Variants in FMN2 observed in about 807,000 individuals in gnomAD.
The protein encoded by FMN2 is formin 2.
Under a neutral mutation model 142.3 loss-of-function variants are expected in FMN2, and 51 were observed. The observed-to-expected ratio is 0.36, with a 90% CI of 0.29 to 0.45. The LOEUF (loss-of-function observed/expected upper bound fraction) is 0.45, where lower values mean the gene tolerates loss of function less well. Among genes scored for constraint, FMN2 ranks in the 20% least tolerant of loss-of-function variants. The probability of loss-of-function intolerance (pLI) is 1.00; values close to 1 mark genes in which losing one functional copy is unlikely to be tolerated. For synonymous variants in FMN2, 882 were observed against 869.8 expected, an observed-to-expected ratio of 1.01 and a Z score of -0.25; for missense variants, 1,936 against 2,122.8, an observed-to-expected ratio of 0.91 and a Z score of 1.73.
intron 8 of FMN2, among the ~76,000 whole-genome samples, chr1:240,325,439 G>A (rs1313524089): frequency 1.3e-5 from 2 of 151,474 alleles, no homozygotes; most frequent in Non-Finnish European, 2.9e-5. Flanking sequence ...ATACTTATTA[G>A]AGTGTATACT....
At position 240,456,509 on chromosome 1, in the gene FMN2, C is replaced by T. The variant is rs745610145; in HGVS notation, c.5061-15863C>T. 2.6e-5 allele frequency among the ~76,000 whole-genome samples: 4 copies of T among 152,074 alleles called. No homozygotes were observed. The East Asian group carries it at 7.7e-4, about 29-fold the overall frequency. On this transcript the variant is annotated intron_variant, in intron 16 of 17. Coordinates refer to ENST00000319653, the MANE Select transcript of FMN2 (RefSeq NM_020066.5). ...TTCGCTCTTGTTGCCCAGGCTGGAG[C>T]GCAATGGCACGATCTCGGTTCACCA...
At chr1:240,168,393 C>T (rs1005778306) in intron 2 of FMN2, among the ~76,000 whole-genome samples, 1 of 152,054 alleles carries the variant, frequency 6.6e-6, no homozygotes, top group Admixed American at 6.5e-5. Context: ...TTGAGACCAG[C>T]CTGGGCAACA....
At chr1:240,333,666 C>T (rs559665024) in intron 11 of FMN2, among the ~76,000 whole-genome samples, 2 of 152,114 alleles carry the variant, frequency 1.3e-5, no homozygotes, top group East Asian at 3.9e-4. Flanking sequence ...AGACTTTGCC[C>T]CTAAATAGCT....
intron 4 of FMN2, among the ~76,000 whole-genome samples, chr1:240,195,790 G>A (rs1453621667): frequency 3.3e-5 from 5 of 152,082 alleles, no homozygotes; most frequent in African/African-American, 7.2e-5. Context: ...GGCTGAGGTG[G>A]GAGGATCACT....
chr1:240,201,370 A>C (rs1666114768), intron 4 of FMN2, among the ~76,000 whole-genome samples: 1 of 152,230 alleles, frequency 6.6e-6, no homozygotes, highest in South Asian at 2.1e-4. Context: ...TTGAAGTCAG[A>C]GAAGGTGATG....
intron 7 of FMN2, among the ~76,000 whole-genome samples, chr1:240,268,311 G>T (rs1370917439): frequency 6.6e-6 from 1 of 151,974 alleles, no homozygotes; most frequent in East Asian, 1.9e-4. Flanking sequence ...TTAATACTGG[G>T]CTGTACCCAT....
At chr1:240,344,428 T>A (rs533320783) in intron 13 of FMN2, among the ~76,000 whole-genome samples, 1 of 152,332 alleles carries the variant, frequency 6.6e-6, no homozygotes, top group South Asian at 2.1e-4. Flanking sequence ...ACATTTTCAT[T>A]TGTGATTTTT....
chr1:240,414,507 T>C (rs1674514212), intron 15 of FMN2, among the ~76,000 whole-genome samples: 1 of 152,228 alleles, frequency 6.6e-6, no homozygotes, highest in African/African-American at 2.4e-5. Context: ...AAAGCCAAAA[T>C]AATTAATAAA....
At chr1:240,326,096 C>T (rs12075265) in intron 8 of FMN2, among the ~76,000 whole-genome samples, 1 of 151,988 alleles carries the variant, frequency 6.6e-6, no homozygotes, top group East Asian at 1.9e-4. Flanking sequence ...AAGAATTGAC[C>T]GTGTGTGTGT....
At position 240,184,392 on chromosome 1, in the gene FMN2, A is replaced by AC. The variant is rs543288970; in HGVS notation, c.1931-3815_1931-3814insC. On this transcript the variant is annotated intron_variant, in intron 3 of 17. Transcript: ENST00000319653. ...GCTGGGACTGCAGGTGCCCACCACCAGGCCGGCTCATTTTTGTATTTTTAG... is the reference window on the plus strand; with the variant it reads ...GCTGGGACTGCAGGTGCCCACCACCACGGCCGGCTCATTTTTGTATTTTTAG... 2.0e-3 allele frequency among the ~76,000 whole-genome samples: 307 copies of AC among 151,608 alleles called. 4 individuals are homozygous for AC. In the South Asian group the frequency reaches 0.027, roughly 13 times the overall value.
intron 15 of FMN2, among the ~76,000 whole-genome samples, chr1:240,423,986 C>T (rs765106131): frequency 6.6e-6 from 1 of 152,074 alleles, no homozygotes; most frequent in Non-Finnish European, 1.5e-5. Context: ...AGATCTGAAT[C>T]GTGATGTTAG....
chr1:240,412,889 G>A (rs141889338), intron 15 of FMN2, among the ~76,000 whole-genome samples: 3,523 of 151,962 alleles, frequency 0.023, 121 homozygotes, highest in African/African-American at 0.08. Flanking sequence ...TTGGGAGGCC[G>A]AGGCGGGTGG....
At chr1:240,160,588 G>A (rs1664237490) in intron 2 of FMN2, among the ~76,000 whole-genome samples, 2 of 151,584 alleles carry the variant, frequency 1.3e-5, no homozygotes, top group African/African-American at 4.8e-5. Flanking sequence ...AAACTCTTAG[G>A]AAACTTAGAA....
At chr1:240,444,631 G>A (rs978903955) in intron 16 of FMN2, among the ~76,000 whole-genome samples, 3 of 152,174 alleles carry the variant, frequency 2.0e-5, no homozygotes, top group South Asian at 2.1e-4. Flanking sequence ...TGGCAGTCAC[G>A]TCTTGTTTCA....
rs1396980952 is a variant in FMN2, at chr1:240,092,792, G to A, written c.683G>A (p.Gly228Asp). ...QQQQQQQQLQ[G>D]AEEPAAPPTA... ...CAGCAGCAGCAGCAGCAGCTCCAGG[G>A]CGCCGAGGAGCCTGCAGCGCCCCCC... The change falls in exon 1 of 18, where the codon GGC becomes GAC. Residue 228 changes from glycine to aspartate, a missense_variant. Coordinates refer to ENST00000319653, the MANE Select transcript of FMN2 (RefSeq NM_020066.5). 6.3e-7 allele frequency: 1 copy of A among 1,595,268 alleles called. No individual in the cohort carries two copies. The highest frequency in any genetic ancestry group is 1.8e-5 in the Admixed American group (1 of 56,726).
chr1:240,101,479 T>C (rs1661409314), intron 1 of FMN2, among the ~76,000 whole-genome samples: 1 of 152,084 alleles, frequency 6.6e-6, no homozygotes, highest in African/African-American at 2.4e-5. Flanking sequence ...TGTCATTATC[T>C]GACAATAGGA....
chr1:240,268,002 CTG>C, intron 7 of FMN2, among the ~76,000 whole-genome samples: 1 of 152,014 alleles, frequency 6.6e-6, no homozygotes, highest in Non-Finnish European at 1.5e-5. Flanking sequence ...ACTAGCGAGG[CTG>C]TGAGAAGAGG....
chr1:240,376,665 G>A (rs1186814468), intron 14 of FMN2, among the ~76,000 whole-genome samples: 1 of 152,060 alleles, frequency 6.6e-6, no homozygotes, highest in African/African-American at 2.4e-5. Context: ...AAGTATATAT[G>A]AGGATGTGTG....
At chr1:240,432,125 AT>A (rs1304438264) in intron 15 of FMN2, among the ~76,000 whole-genome samples, 1 of 151,920 alleles carries the variant, frequency 6.6e-6, no homozygotes, top group African/African-American at 2.4e-5. Flanking sequence ...GTGGAGATAA[AT>A]TTGATTACCA....
Sources: allele counts gnomAD v4.1 joint callset (sites outside exome capture counted in the v4.1 genomes callset), GRCh38; gene constraint gnomAD v4.1.1; transcripts MANE v1.5; gene names NCBI Gene and HGNC (gene_info 2026-07-23, HGNC 2026-07-21).